Variants in FGD6 observed in about 807,000 individuals in gnomAD.
FGD6 encodes FYVE, RhoGEF and PH domain containing 6.
FGD6 carries 90 observed loss-of-function variants against 149.4 expected under a neutral mutation model. The ratio of observed to expected loss-of-function variants is 0.60; its 90% CI spans 0.51 to 0.72. FGD6 has a LOEUF of 0.72. Ranked by LOEUF, FGD6 falls within the 30% of genes least tolerant of loss-of-function variation. The probability of loss-of-function intolerance (pLI) is 0.00; values close to 1 mark genes in which losing one functional copy is unlikely to be tolerated. For missense variants in FGD6, 1,437 were observed against 1,684.8 expected, an observed-to-expected ratio of 0.85 and a Z score of 2.57; for synonymous variants, 527 against 584.0, an observed-to-expected ratio of 0.90 and a Z score of 1.41.
intron 2 of FGD6, among the ~76,000 whole-genome samples, chr12:95,203,212 G>T (rs1404884728): frequency 6.6e-6 from 1 of 152,110 alleles, no homozygotes; most frequent in Non-Finnish European, 1.5e-5. Flanking sequence ...CAGAGATGAG[G>T]GTATACTGAT....
intron 14 of FGD6, chr12:95,100,834 G>A (rs995406951): frequency 4.8e-5 from 19 of 392,738 alleles, no homozygotes; most frequent in East Asian, 4.7e-4. Context: ...GGACCTTGCC[G>A]TCTTGTTGGG....
At chr12:95,187,505 T>C (rs2136291729) in intron 2 of FGD6, among the ~76,000 whole-genome samples, 1 of 151,692 alleles carries the variant, frequency 6.6e-6, no homozygotes, top group Admixed American at 6.6e-5. Flanking sequence ...ATACAAAGAT[T>C]AGCCAGGCAT....
Position 95,208,948 on chromosome 12 carries a change from T to G in FGD6, c.2336A>C (p.Asn779Thr), listed in dbSNP as rs1339552238. ...IRKTQELEWQ[N>T]SSSMEDADAN... The stretch of plus-strand genomic sequence containing the variant: ...ATCAGCGTCCTCCATGCTGCTGGAA[T>G]TCTGCCATTCCAACTCTTGAGTTTT... Residue 779 changes from asparagine to threonine, a missense_variant, in exon 2 of 21, where the codon AAT becomes ACT. By Grantham distance (65) the Asn-to-Thr change is moderately conservative (BLOSUM62 0). Coordinates refer to ENST00000343958, the MANE Select transcript of FGD6 (RefSeq NM_018351.4). 4 of 1,614,176 alleles carry G rather than the reference T, an allele frequency of 2.5e-6. No individual in the cohort carries two copies. The highest frequency in any genetic ancestry group is 3.4e-6 in the Non-Finnish European group (4 of 1,180,018).
At chr12:95,097,360 G>A (rs1237611913) in intron 14 of FGD6, among the ~76,000 whole-genome samples, 2 of 152,150 alleles carry the variant, frequency 1.3e-5, no homozygotes, top group African/African-American at 4.8e-5. Context: ...ACCTGGCCGG[G>A]CGTGGTGGCT....
intron 2 of FGD6, among the ~76,000 whole-genome samples, chr12:95,184,632 T>C (rs940840506): frequency 6.6e-6 from 1 of 151,442 alleles, no homozygotes; most frequent in East Asian, 1.9e-4. Flanking sequence ...CAGGCTGTAG[T>C]GCAGTGGTGC....
intron 9 of FGD6, among the ~76,000 whole-genome samples, chr12:95,110,218 C>T (rs567719754): frequency 1.8e-4 from 27 of 152,018 alleles, no homozygotes; most frequent in Admixed American, 1.0e-3. Flanking sequence ...CCTCGTGATC[C>T]GCCCGCCTCA....
chr12:95,124,828 CCA>C (rs1303101737), intron 8 of FGD6, among the ~76,000 whole-genome samples: 7 of 152,142 alleles, frequency 4.6e-5, no homozygotes, highest in Admixed American at 2.0e-4. Flanking sequence ...GACTTTATCA[CCA>C]CAGATATTTT....
intron 2 of FGD6, among the ~76,000 whole-genome samples, chr12:95,180,358 A>C (rs1245119964): frequency 6.8e-6 from 1 of 146,384 alleles, no homozygotes; most frequent in Non-Finnish European, 1.5e-5. Context: ...TAAAGTCCTG[A>C]GAATAAAAGA....
At chr12:95,123,637 C>T in intron 8 of FGD6, among the ~76,000 whole-genome samples, 1 of 151,730 alleles carries the variant, frequency 6.6e-6, no homozygotes. Flanking sequence ...TCTCTGCTTA[C>T]TGCAAGCTCC....
intron 14 of FGD6, among the ~76,000 whole-genome samples, chr12:95,096,298 TC>T (rs1318802561): frequency 6.6e-6 from 1 of 152,092 alleles, no homozygotes; most frequent in Non-Finnish European, 1.5e-5. Flanking sequence ...CCACTCACCT[TC>T]CCTACAATCA....
Position 95,099,395 on chromosome 12 carries a change from A to G in FGD6, c.3498-4701T>C, listed in dbSNP as rs140564440. 9.6e-4 allele frequency among the ~76,000 whole-genome samples: 146 copies of G among 151,682 alleles called. 1 individual carries two copies. Among genetic ancestry groups the G allele is most frequent in the African/African-American group, 3.5e-3 (146 of 41,344 alleles). ...TGTGTTGGTGGGAAGAGATGGAGAG[A>G]CTCCTTACCCACTTTAATATGGGAT... On this transcript the variant is annotated intron_variant, in intron 14 of 20. Transcript: ENST00000343958.
intron 9 of FGD6, 113 bp downstream of exon 9, chr12:95,113,538 C>G: frequency 4.6e-6 from 4 of 867,640 alleles, no homozygotes; most frequent in Non-Finnish European, 7.2e-6. Context: ...ACCTGCCCTT[C>G]AAGTCGTATG....
intron 2 of FGD6, among the ~76,000 whole-genome samples, chr12:95,173,770 C>G (rs976992639): frequency 6.6e-6 from 1 of 152,036 alleles, no homozygotes; most frequent in Non-Finnish European, 1.5e-5. Flanking sequence ...GAAAAACACT[C>G]AAGCAGAATA....
rs768618682 is a variant in FGD6 at position 95,210,368 on chromosome 12, C to T, written c.916G>A (p.Val306Ile). The T allele has an allele frequency of 5.0e-6, 8 of 1,613,646 alleles. 1 individual carries two copies. The African/African-American group carries it at 5.3e-5, about 11-fold the overall frequency. Residue 306 changes from valine to isoleucine, a missense_variant, in exon 2 of 21, where the codon GTA (valine) becomes ATA (isoleucine). By Grantham distance (29) the Val-to-Ile change is conservative (BLOSUM62 3). Coordinates refer to ENST00000343958, the MANE Select transcript of FGD6 (RefSeq NM_018351.4). ...KDLGPLEIHL[V>I]PYTPKFPTPK... Reference sequence around the variant, plus strand: ...GTTGGAAATTTTGGGGTATATGGTACTAAATGAATTTCTAAGGGACCAAGG... The same window carrying T: ...GTTGGAAATTTTGGGGTATATGGTATTAAATGAATTTCTAAGGGACCAAGG...
chr12:95,150,673 C>T (rs1279527386), intron 5 of FGD6, among the ~76,000 whole-genome samples: 1 of 151,686 alleles, frequency 6.6e-6, no homozygotes, highest in Admixed American at 6.6e-5. Flanking sequence ...TGCAGTGGTG[C>T]AATCAGCTCA....
Position 95,211,055 on chromosome 12 carries a change from A to C in FGD6, c.229T>G (p.Leu77Val). Reference protein sequence around the residue: ...IGQSPSRKIMLNLEGHKQELA... With the variant: ...IGQSPSRKIMVNLEGHKQELA... ...TCCTGTTTATGCCCTTCCAGGTTCA[A>C]CATGATTTTCCTTGATGGCGACTGC... Residue 77 changes from leucine (L) to valine (V), a missense_variant, in exon 2 of 21, where the codon TTG (leucine) becomes GTG (valine). Around this residue, in one of 2 missense-constraint regions of FGD6, gnomAD observed 1,055 missense variants for 1,146.0 expected, o/e 0.92. Transcript: ENST00000343958. 1.2e-6 allele frequency: 2 copies of C among 1,614,146 alleles called. No individual in the cohort carries two copies. Among genetic ancestry groups the C allele is most frequent in the Non-Finnish European group, 1.7e-6 (2 of 1,180,030 alleles).
chr12:95,125,509 G>A (rs1565902435), intron 8 of FGD6, among the ~76,000 whole-genome samples: 1 of 152,144 alleles, frequency 6.6e-6, no homozygotes. Flanking sequence ...GGTGGTGCAT[G>A]CCTGTAGCCA....
intron 3 of FGD6, among the ~76,000 whole-genome samples, chr12:95,160,934 G>A (rs1565912399): frequency 6.6e-6 from 1 of 152,018 alleles, no homozygotes; most frequent in Non-Finnish European, 1.5e-5. Flanking sequence ...TGTAATCTCA[G>A]CACTTTTGGC....
intron 2 of FGD6, among the ~76,000 whole-genome samples, chr12:95,189,798 A>G (rs1018969373): frequency 2.6e-5 from 4 of 152,222 alleles, no homozygotes; most frequent in African/African-American, 9.6e-5. Context: ...GCTAGAGCTA[A>G]TATATTTGCT....
Sources: allele counts gnomAD v4.1 joint callset (sites outside exome capture counted in the v4.1 genomes callset), GRCh38; gene constraint gnomAD v4.1.1; regional missense constraint gnomAD v4.1.1; transcripts MANE v1.5; gene names NCBI Gene and HGNC (gene_info 2026-07-23, HGNC 2026-07-21).